The following RASEF variants were observed in gnomAD, a reference collection of about 807,000 sequenced individuals.
RASEF encodes RAS and EF-hand domain containing.
Under a neutral mutation model 90.1 loss-of-function variants are expected in RASEF, and 68 were observed. The observed-to-expected ratio is 0.75, with a 90% CI of 0.62 to 0.92. The LOEUF (loss-of-function observed/expected upper bound fraction) is 0.92. RASEF is among the 40% of genes least tolerant of loss of function. The pLI is 0.00. For missense variants in RASEF, 949 were observed against 937.2 expected (o/e 1.01, Z -0.16); for synonymous variants, 331 against 345.2 (o/e 0.96, Z 0.46).
the RASEF span, among the ~76,000 whole-genome samples, chr9:83,144,021 G>A: frequency 4.6e-5 from 7 of 151,970 alleles, no homozygotes; most frequent in African/African-American, 1.7e-4. Flanking sequence ...TGGAGGTGGA[G>A]GCCATTATCC....
chr9:82,990,012 C>T (rs943258265), intron 16 of RASEF, among the ~76,000 whole-genome samples: 5 of 152,278 alleles, frequency 3.3e-5, no homozygotes, highest in African/African-American at 1.2e-4. Flanking sequence ...GCATAACATA[C>T]AAATTGCTTT....
At chr9:83,191,319 A>G in the RASEF span, among the ~76,000 whole-genome samples, 1 of 152,224 alleles carries the variant, frequency 6.6e-6, no homozygotes, top group Non-Finnish European at 1.5e-5. Flanking sequence ...AGCAAACAGA[A>G]GACATCTTAG....
intron 16 of RASEF, among the ~76,000 whole-genome samples, chr9:82,984,482 A>G (rs1828674709): frequency 6.6e-6 from 1 of 152,192 alleles, no homozygotes; most frequent in Non-Finnish European, 1.5e-5. Context: ...AACTGATTCT[A>G]GCTATAGGAC....
At chr9:83,204,805 T>C in the RASEF span, among the ~76,000 whole-genome samples, 1 of 152,330 alleles carries the variant, frequency 6.6e-6, no homozygotes, top group South Asian at 2.1e-4. Context: ...TATAAACATA[T>C]GCCAAAAAGA....
chr9:83,147,262 C>A, the RASEF span, among the ~76,000 whole-genome samples: 1 of 152,084 alleles, frequency 6.6e-6, no homozygotes, highest in East Asian at 1.9e-4. Context: ...ATGCACAGTG[C>A]TGCTAATGAC....
At chr9:83,151,874 T>C in the RASEF span, among the ~76,000 whole-genome samples, 2 of 152,134 alleles carry the variant, frequency 1.3e-5, no homozygotes, top group East Asian at 3.9e-4. Flanking sequence ...AGAGACTTTT[T>C]TTTCCTCTAG....
the RASEF span, among the ~76,000 whole-genome samples, chr9:83,119,242 C>T: frequency 6.7e-6 from 1 of 149,722 alleles, no homozygotes; most frequent in African/African-American, 2.5e-5. Flanking sequence ...TGGTCTCAAA[C>T]TCCTGACCCC....
At chr9:83,092,856 A>C in the RASEF span, among the ~76,000 whole-genome samples, 1 of 151,852 alleles carries the variant, frequency 6.6e-6, no homozygotes, top group East Asian at 1.9e-4. Flanking sequence ...AGTTAGATAC[A>C]GAGTAAGGAC....
chr9:83,027,392 C>T (rs937470352), intron 1 of RASEF, among the ~76,000 whole-genome samples: 1 of 152,148 alleles, frequency 6.6e-6, no homozygotes, highest in Non-Finnish European at 1.5e-5. Context: ...TAATCTTAAT[C>T]ATGTTCAGCC....
chr9:83,085,759 T>C, the RASEF span, among the ~76,000 whole-genome samples: 2 of 151,960 alleles, frequency 1.3e-5, no homozygotes, highest in Non-Finnish European at 2.9e-5. Flanking sequence ...ATCCCATCTG[T>C]ACTAAAAATA....
the RASEF span, chr9:83,201,917 G>C: frequency 2.0e-5 from 3 of 151,862 alleles, no homozygotes; most frequent in Non-Finnish European, 4.4e-5. Flanking sequence ...GCCAGATCAG[G>C]ACACAGATGA....
chr9:83,137,079 A>G, the RASEF span, among the ~76,000 whole-genome samples: 6 of 152,234 alleles, frequency 3.9e-5, no homozygotes, highest in South Asian at 8.3e-4. Flanking sequence ...TAATTATAAA[A>G]CATGATAAAG....
intron 1 of RASEF, chr9:83,054,583 GGTGAGGAACTGC>G (rs981378138): frequency 6.7e-6 from 1 of 149,832 alleles, no homozygotes; most frequent in Admixed American, 6.6e-5. Context: ...TTCTGTTGCT[GGTGAGGAACTGC>G]GTTCCTTTGG....
At chr9:82,997,566 G>A (rs1828945336) in intron 13 of RASEF, among the ~76,000 whole-genome samples, 1 of 152,134 alleles carries the variant, frequency 6.6e-6, no homozygotes, top group Non-Finnish European at 1.5e-5. Flanking sequence ...TACCAGTGTG[G>A]AACGCTGTAA....
the RASEF span, among the ~76,000 whole-genome samples, chr9:83,096,593 C>A: frequency 6.6e-6 from 1 of 151,994 alleles, no homozygotes; most frequent in East Asian, 1.9e-4. Flanking sequence ...GTGAGCTGAT[C>A]CCTCACCTAC....
intron 1 of RASEF, chr9:83,055,549 T>G (rs1291919171): frequency 1.4e-6 from 1 of 709,436 alleles, no homozygotes. Context: ...CTGTTCCTAT[T>G]CGGCCATCTT....
chr9:82,990,183 C>A (rs1464457887), intron 16 of RASEF, among the ~76,000 whole-genome samples: 1 of 152,154 alleles, frequency 6.6e-6, no homozygotes, highest in African/African-American at 2.4e-5. Flanking sequence ...CTCAGATGCA[C>A]CTCTTTTGTT....
chr9:83,159,125 G>T, the RASEF span, among the ~76,000 whole-genome samples: 1 of 149,968 alleles, frequency 6.7e-6, no homozygotes, highest in Admixed American at 6.7e-5. Flanking sequence ...GGCGGAGCTT[G>T]CAGTGAGCCA....
At chr9:83,144,363 GAA>G in the RASEF span, among the ~76,000 whole-genome samples, 1 of 44,562 alleles carries the variant, frequency 2.2e-5, no homozygotes, top group Non-Finnish European at 4.4e-5. Context: ...AAGAAAGAAA[GAA>G]AGAAAGAAAG....
Sources: allele counts gnomAD v4.1 joint callset (sites outside exome capture counted in the v4.1 genomes callset), GRCh38; gene constraint gnomAD v4.1.1; transcripts MANE v1.5; gene names NCBI Gene and HGNC (gene_info 2026-07-23, HGNC 2026-07-21).